Variants in FHAD1 observed in about 807,000 individuals in gnomAD.
FHAD1 encodes the protein forkhead-associated domain-containing protein 1.
A neutral mutation model predicts 191.3 loss-of-function variants in FHAD1; 146 were observed. The ratio of observed to expected loss-of-function variants is 0.76; its 90% CI spans 0.67 to 0.88. The LOEUF (loss-of-function observed/expected upper bound fraction) is 0.88. FHAD1 is among the 40% of genes least tolerant of loss of function. The pLI is 0.00. For synonymous variants in FHAD1, 616 were observed against 672.3 expected, an observed-to-expected ratio of 0.92 and a Z score of 1.29; for missense variants, 1,635 against 1,785.8, an observed-to-expected ratio of 0.92 and a Z score of 1.52.
intron 7 of FHAD1, among the ~76,000 whole-genome samples, chr1:15,309,570 C>G (rs1435293437): frequency 6.6e-6 from 1 of 152,162 alleles, no homozygotes; most frequent in Non-Finnish European, 1.5e-5. Flanking sequence ...GCAAGCTTGT[C>G]CAGCCCACGA....
At chr1:15,328,501 C>G in intron 13 of FHAD1, 72 bp downstream of exon 13, 2 of 1,275,510 alleles carry the variant, frequency 1.6e-6, no homozygotes, top group Non-Finnish European at 2.0e-6. Flanking sequence ...GGGAAATTGC[C>G]CAGCTTTTTT....
rs770035480 is a variant in FHAD1, at chr1:15,289,614, G to C, written c.516G>C (p.Glu172Asp). Reference sequence around the variant, plus strand: ...GGCGGCCTGTGAGCGCCAACAAGGAGATGTTCTCGTTCGTGGTGGACGACG... The same window carrying C: ...GGCGGCCTGTGAGCGCCAACAAGGACATGTTCTCGTTCGTGGTGGACGACG... ...SHRRPVSANK[E>D]MFSFVVDDAR... Residue 172 changes from glutamate (E) to aspartate (D), a missense_variant, in exon 4 of 34, where the codon GAG (glutamate) becomes GAC (aspartate). Transcript: ENST00000688493. This position sits in a 1 kb window ranked among gnomAD's most constrained non-coding sequence, Gnocchi z 4.2. 7 of 1,551,546 alleles carry C rather than the reference G, an allele frequency of 4.5e-6. No homozygotes were observed. In the African/African-American group the frequency reaches 9.6e-5, roughly 21 times the overall value.
intron 14 of FHAD1, among the ~76,000 whole-genome samples, chr1:15,338,285 G>A (rs1685097612): frequency 1.3e-5 from 2 of 152,212 alleles, no homozygotes; most frequent in Admixed American, 6.5e-5. Flanking sequence ...GGAGGCTCTA[G>A]AGCAGTATCC....
rs902832115 is a variant in FHAD1, at chr1:15,289,602, C to T, written c.504C>T (p.Ser168=). The T allele has an allele frequency of 5.2e-5, 80 of 1,551,606 alleles. No homozygotes were observed. The highest frequency in any genetic ancestry group is 3.5e-4 in the Admixed American group (18 of 50,986). Residue 168 remains serine, a synonymous_variant, in exon 4 of 34, where the codon AGC becomes AGT. Coordinates refer to ENST00000688493, the MANE Select transcript of FHAD1 (RefSeq NM_001391957.1). This position sits in a 1 kb window ranked among gnomAD's most constrained non-coding sequence, Gnocchi z 4.2. ...VLPASHRRPV[S]ANKEMFSFVV... ...CGGCCTCCCACAGGCGGCCTGTGAG[C>T]GCCAACAAGGAGATGTTCTCGTTCG...
At chr1:15,394,717 C>A (rs1225567547) in intron 33 of FHAD1, among the ~76,000 whole-genome samples, 1 of 152,156 alleles carries the variant, frequency 6.6e-6, no homozygotes, top group Non-Finnish European at 1.5e-5. Flanking sequence ...CGATATTCAT[C>A]CCTATTTGGC....
chr1:15,331,594 G>A (rs946441721), intron 14 of FHAD1, among the ~76,000 whole-genome samples: 1 of 147,514 alleles, frequency 6.8e-6, no homozygotes, highest in South Asian at 2.2e-4. Flanking sequence ...GTGGATAGAA[G>A]GGTGGGTGGG....
intron 2 of FHAD1, among the ~76,000 whole-genome samples, chr1:15,257,552 A>T (rs1648834812): frequency 6.6e-6 from 1 of 152,096 alleles, no homozygotes. Context: ...GTGCTCGCAC[A>T]CTCAGCCCTG....
chr1:15,391,773 CTCT>C (rs1438306147), intron 33 of FHAD1, among the ~76,000 whole-genome samples: 3 of 152,186 alleles, frequency 2.0e-5, no homozygotes, highest in Non-Finnish European at 4.4e-5. Context: ...AAATAGAAGC[CTCT>C]TCTTAACTGA....
At chr1:15,354,919 A>G (rs540103295) in intron 20 of FHAD1, among the ~76,000 whole-genome samples, 1 of 149,766 alleles carries the variant, frequency 6.7e-6, no homozygotes, top group East Asian at 1.9e-4. Flanking sequence ...ACCAGAAGGT[A>G]GAGTCTTGGC....
intron 2 of FHAD1, among the ~76,000 whole-genome samples, chr1:15,265,021 C>A (rs1048345101): frequency 6.6e-6 from 1 of 152,202 alleles, no homozygotes; most frequent in African/African-American, 2.4e-5. Context: ...AGGAATCAAT[C>A]CCACTTGGTC....
intron 18 of FHAD1, among the ~76,000 whole-genome samples, chr1:15,347,384 G>A (rs1409878612): frequency 3.3e-5 from 5 of 152,208 alleles, no homozygotes; most frequent in Admixed American, 3.3e-4. Flanking sequence ...GCCTACTTCT[G>A]ACAGAACTTC....
chr1:15,354,285 C>G (rs1271254998), intron 20 of FHAD1, among the ~76,000 whole-genome samples: 2 of 152,148 alleles, frequency 1.3e-5, no homozygotes, highest in Non-Finnish European at 2.9e-5. Context: ...CATAAGCAGC[C>G]CAAGTGGCGC....
chr1:15,388,217 C>T (rs1313884864), intron 32 of FHAD1, 86 bp downstream of exon 32: 20 of 824,072 alleles, frequency 2.4e-5, no homozygotes, highest in Admixed American at 1.4e-4. Flanking sequence ...AATGCCTGCA[C>T]GCGCTGCCCA....
At chr1:15,391,754 A>T (rs1423888885) in intron 33 of FHAD1, among the ~76,000 whole-genome samples, 1 of 152,248 alleles carries the variant, frequency 6.6e-6, no homozygotes, top group Non-Finnish European at 1.5e-5. Context: ...TGCAAGGGAC[A>T]TTTTTGGAAA....
At chr1:15,354,750 G>A (rs1339599105) in intron 20 of FHAD1, among the ~76,000 whole-genome samples, 2 of 152,194 alleles carry the variant, frequency 1.3e-5, no homozygotes, top group East Asian at 1.9e-4. Flanking sequence ...GCAAGGGAAG[G>A]CCCAGCTGGT....
chr1:15,307,779 G>A (rs889510905), intron 6 of FHAD1, among the ~76,000 whole-genome samples: 1 of 150,128 alleles, frequency 6.7e-6, no homozygotes, highest in Non-Finnish European at 1.5e-5. Context: ...CACCCAGGTT[G>A]TAGTGCAGTG....
chr1:15,268,111 C>T (rs1359595805), intron 2 of FHAD1, among the ~76,000 whole-genome samples: 2 of 150,112 alleles, frequency 1.3e-5, no homozygotes, highest in Admixed American at 6.7e-5. Context: ...CGTCATTTAG[C>T]ATTAGGTATA....
Position 15,301,390 on chromosome 1 carries a change from G to C in FHAD1, c.864G>C (p.Leu288=), listed in dbSNP as rs1198801478. 1 of 1,551,692 alleles carries C rather than the reference G, an allele frequency of 6.4e-7. No homozygotes were observed. The highest frequency in any genetic ancestry group is 8.7e-7 in the Non-Finnish European group (1 of 1,147,024). Reference sequence around the variant, plus strand: ...AGATCTCGCAGAAGTGTCAGGTTCTGGATGAAGACATCGATGCCAAACAGA... The same window carrying C: ...AGATCTCGCAGAAGTGTCAGGTTCTCGATGAAGACATCGATGCCAAACAGA... ...EKEISQKCQV[L]DEDIDAKQKE... Residue 288 remains leucine, a synonymous_variant, in exon 6 of 34, where the codon CTG becomes CTC. Transcript: ENST00000688493.
chr1:15,259,100 T>A (rs928215286), intron 2 of FHAD1, among the ~76,000 whole-genome samples: 5 of 152,154 alleles, frequency 3.3e-5, no homozygotes, highest in African/African-American at 4.8e-5. Context: ...GGGTGGTGGT[T>A]GTTTTTACAG....
Sources: gnomAD v4.1 joint callset for allele counts (sites outside exome capture counted in the v4.1 genomes callset) on GRCh38, gnomAD v4.1.1 for gene constraint, Gnocchi (gnomAD v3.1) non-coding constraint, MANE v1.5 for transcripts, NCBI Gene and HGNC (gene_info 2026-07-23, HGNC 2026-07-21) for gene names.